The following WDPCP variants were observed in gnomAD, a reference collection of about 807,000 sequenced individuals.
WDPCP encodes WD repeat-containing and planar cell polarity effector protein fritz homolog.
Under a neutral mutation model 93.1 loss-of-function variants are expected in WDPCP, and 71 were observed. The ratio of observed to expected loss-of-function variants is 0.76; its 90% CI spans 0.63 to 0.93. WDPCP has a LOEUF of 0.93. Ranked by LOEUF, WDPCP falls within the 40% of genes least tolerant of loss-of-function variation. The pLI, the probability that WDPCP is intolerant of heterozygous loss-of-function variation, is 0.00. For synonymous variants in WDPCP, 315 were observed against 315.0 expected (o/e 1.00, Z 0.00); for missense variants, 844 against 887.4 (o/e 0.95, Z 0.62).
At chr2:63,506,385 G>C (rs989977495) in intron 1 of WDPCP, among the ~76,000 whole-genome samples, 1 of 151,540 alleles carries the variant, frequency 6.6e-6, no homozygotes, top group Non-Finnish European at 1.5e-5. Context: ...ATGGGGGATT[G>C]AGCACATGTA....
At chr2:63,197,304 A>G (rs1453774432) in intron 14 of WDPCP, among the ~76,000 whole-genome samples, 1 of 152,208 alleles carries the variant, frequency 6.6e-6, no homozygotes, top group East Asian at 1.9e-4. Flanking sequence ...TATTGTAAGA[A>G]GATAGTATAT....
intron 17 of WDPCP, among the ~76,000 whole-genome samples, chr2:63,144,519 A>C (rs1487228532): frequency 6.6e-6 from 1 of 152,146 alleles, no homozygotes; most frequent in Non-Finnish European, 1.5e-5. Flanking sequence ...CTCCCAAAGT[A>C]CTGGGATTAG....
Position 63,678,563 on chromosome 2 carries a change from A to T in WDPCP, n.309-27725T>A, listed in dbSNP as rs541344475. The stretch of plus-strand genomic sequence containing the variant: ...AACTAGCTCACTAAACATTGACTCT[A>T]CCCTCCTTTTAGTGCACCTTTTTGT... On this transcript the variant is annotated intron_variant and non_coding_transcript_variant, in intron 2 of 4. Transcript: ENST00000467687. Among the ~76,000 whole-genome samples, 3 of 152,224 alleles carry T rather than the reference A, an allele frequency of 2.0e-5. No homozygotes were observed. The South Asian group carries it at 6.2e-4, about 32-fold the overall frequency.
intron 1 of WDPCP, among the ~76,000 whole-genome samples, chr2:63,822,562 C>T (rs1433119739): frequency 6.6e-6 from 1 of 152,040 alleles, no homozygotes; most frequent in Non-Finnish European, 1.5e-5. Context: ...TTATTTTTTA[C>T]ACAGATCTCA....
intron 17 of WDPCP, among the ~76,000 whole-genome samples, chr2:63,128,261 G>A (rs1182335336): frequency 1.3e-5 from 2 of 152,130 alleles, no homozygotes; most frequent in Non-Finnish European, 2.9e-5. Flanking sequence ...CAAAGTCAGT[G>A]GGAGGAAACA....
intron 3 of WDPCP, among the ~76,000 whole-genome samples, chr2:63,612,089 C>A (rs1373745476): frequency 2.0e-5 from 3 of 152,188 alleles, no homozygotes; most frequent in Admixed American, 1.3e-4. Flanking sequence ...CTAGTCCAAT[C>A]CAGACTTGCT....
chr2:63,273,827 G>GCA lies in WDPCP; in HGVS notation c.1813-14420_1813-14419dup, dbSNP rs375454800. Among the ~76,000 whole-genome samples, 144 of 54,764 alleles carry GCA rather than the reference G, an allele frequency of 2.6e-3. No individual in the cohort carries two copies. The South Asian group carries it at 0.049, about 19-fold the overall frequency. 35.9% of individuals were successfully genotyped at this position (54,764 alleles called of 152,430 possible). ...CGCAGAAACACACACACACACACAC[G>GCA]CACACACACACACACACACACAGAA... is the stretch of plus-strand genomic sequence containing the variant. On this transcript the variant is annotated intron_variant, in intron 13 of 17. Coordinates refer to ENST00000272321, the MANE Select transcript of WDPCP (RefSeq NM_015910.7).
chr2:63,619,719 G>A (rs1167420708), intron 3 of WDPCP, among the ~76,000 whole-genome samples: 1 of 152,212 alleles, frequency 6.6e-6, no homozygotes, highest in Non-Finnish European at 1.5e-5. Flanking sequence ...CAAGGATTAG[G>A]AAGTGGCTGG....
chr2:63,579,085 G>A (rs1558838473), intron 1 of WDPCP, among the ~76,000 whole-genome samples: 1 of 152,102 alleles, frequency 6.6e-6, no homozygotes, highest in African/African-American at 2.4e-5. Flanking sequence ...ATAATTGAAA[G>A]GGCATCTTAT....
intron 6 of WDPCP, among the ~76,000 whole-genome samples, chr2:63,466,591 A>G (rs928093839): frequency 6.6e-6 from 1 of 152,242 alleles, no homozygotes; most frequent in South Asian, 2.1e-4. Flanking sequence ...TTAAAAAATC[A>G]GTACTAGTAT....
chr2:63,390,938 C>T (rs1693185796), intron 10 of WDPCP, among the ~76,000 whole-genome samples: 1 of 152,128 alleles, frequency 6.6e-6, no homozygotes, highest in South Asian at 2.1e-4. Context: ...CAGACGGATT[C>T]ACAGCCAAAT....
chr2:63,693,446 G>GATAT (rs1278443616), intron 2 of WDPCP, among the ~76,000 whole-genome samples: 1 of 137,704 alleles, frequency 7.3e-6, no homozygotes, highest in Non-Finnish European at 1.6e-5. Flanking sequence ...ATATTAGATA[G>GATAT]ATAGATAGAT....
chr2:63,816,531 A>T (rs1162525407), intron 1 of WDPCP, among the ~76,000 whole-genome samples: 1 of 152,210 alleles, frequency 6.6e-6, no homozygotes, highest in African/African-American at 2.4e-5. Flanking sequence ...GACTGGAGTT[A>T]TGCTGCCACA....
intron 1 of WDPCP, among the ~76,000 whole-genome samples, chr2:63,513,368 T>C (rs2106105982): frequency 6.6e-6 from 1 of 152,100 alleles, no homozygotes; most frequent in Non-Finnish European, 1.5e-5. Context: ...AGGAAGTATG[T>C]TGGGGAGAGG....
At chr2:63,610,605 T>A (rs749310682) in intron 3 of WDPCP, among the ~76,000 whole-genome samples, 2 of 152,102 alleles carry the variant, frequency 1.3e-5, no homozygotes, top group Non-Finnish European at 2.9e-5. Flanking sequence ...AAAGAAGTGT[T>A]CTTTGCTCAC....
chr2:63,383,775 A>C (rs557794133), intron 10 of WDPCP, among the ~76,000 whole-genome samples: 13 of 152,274 alleles, frequency 8.5e-5, no homozygotes, highest in African/African-American at 2.6e-4. Context: ...AATCAAGAGA[A>C]TATGTAAGCA....
intron 12 of WDPCP, among the ~76,000 whole-genome samples, chr2:63,350,411 C>G (rs991042571): frequency 4.7e-5 from 7 of 149,996 alleles, no homozygotes; most frequent in African/African-American, 1.5e-4. Flanking sequence ...GCACATTGTG[C>G]ACATGTATCC....
At chr2:63,622,839 G>A in intron 3 of WDPCP, 1 of 1,603,114 alleles carries the variant, frequency 6.2e-7, no homozygotes, top group Non-Finnish European at 8.5e-7. Flanking sequence ...CATCGTCCTG[G>A]CCGAAGTGGG....
intron 1 of WDPCP, among the ~76,000 whole-genome samples, chr2:63,576,547 G>A (rs1708129309): frequency 6.6e-6 from 1 of 152,216 alleles, no homozygotes; most frequent in African/African-American, 2.4e-5. Flanking sequence ...CTATCCAGAA[G>A]CTCTCTGAAC....
Sources: allele counts gnomAD v4.1 joint callset (sites outside exome capture counted in the v4.1 genomes callset), GRCh38; gene constraint gnomAD v4.1.1; transcripts MANE v1.5; gene names NCBI Gene and HGNC (gene_info 2026-07-23, HGNC 2026-07-21).